EEF1AKMT4: variants seen among roughly 807,000 people sequenced by gnomAD.
EEF1AKMT4 encodes the protein eukaryotic translation elongation factor 1 alpha lysine specific methyltransferase 4.
In EEF1AKMT4, 17 loss-of-function variants were observed where a neutral mutation model predicts 23.0. That is an observed-to-expected ratio of 0.74 (90% confidence interval 0.51 to 1.11). EEF1AKMT4 has a LOEUF of 1.11. Among genes scored for constraint, EEF1AKMT4 ranks in the 50% least tolerant of loss-of-function variants. The pLI, the probability that EEF1AKMT4 is intolerant of heterozygous loss-of-function variation, is 0.00. For synonymous variants in EEF1AKMT4, 140 were observed against 141.4 expected (o/e 0.99, Z 0.07); for missense variants, 318 against 333.4 (o/e 0.95, Z 0.36).
Position 184,258,671 on chromosome 3 carries a change from T to C in EEF1AKMT4, c.*96T>C, listed in dbSNP as rs1398623844. 2 of 1,496,582 alleles carry C rather than the reference T, an allele frequency of 1.3e-6. No individual in the cohort carries two copies. The highest frequency in any genetic ancestry group is 1.4e-5 in the South Asian group (1 of 72,452). 92.7% of individuals were successfully genotyped at this position (1,496,582 alleles called of 1,614,324 possible). On this transcript the variant is annotated 3_prime_UTR_variant, in exon 3 of 3. Coordinates refer to ENST00000324557, the MANE Select transcript of EEF1AKMT4 (RefSeq NM_032331.4). Reference sequence around the variant, plus strand: ...TTAGGACTTGGGGTTGGGTCCAAGGTGCTTACATCCCAGGGGCCTCATGCC... The same window carrying C: ...TTAGGACTTGGGGTTGGGTCCAAGGCGCTTACATCCCAGGGGCCTCATGCC...
At chr3:184,251,768 G>T (rs1273410465) in intron 1 of EEF1AKMT4, among the ~76,000 whole-genome samples, 1 of 152,190 alleles carries the variant, frequency 6.6e-6, no homozygotes, top group Non-Finnish European at 1.5e-5. Flanking sequence ...AGTGAATTAT[G>T]TTGGAATCTT....
intron 2 of EEF1AKMT4, among the ~76,000 whole-genome samples, 161 bp from the exon 3 acceptor site, chr3:184,258,127 G>A (rs1046536297): frequency 6.6e-6 from 1 of 152,126 alleles, no homozygotes; most frequent in South Asian, 2.1e-4. Flanking sequence ...CCAAGGAATG[G>A]CCAGGGGCAG....
At chr3:184,257,868 G>T in intron 2 of EEF1AKMT4, 112 bp downstream of exon 2, 2 of 1,372,642 alleles carry the variant, frequency 1.5e-6, no homozygotes, top group East Asian at 2.3e-5. Context: ...GCAAGTAGTG[G>T]GTCGCCCTCA....
In EEF1AKMT4 at chr3:184,249,863, C is replaced by T. The variant is rs751404012; in HGVS notation, c.169C>T (p.Arg57Trp). The T allele has an allele frequency of 4.3e-6, 7 of 1,612,774 alleles. No individual in the cohort carries two copies. In the South Asian group the frequency reaches 5.5e-5, roughly 13 times the overall value. The change falls in exon 1 of 3, where the codon CGG becomes TGG. Residue 57 changes from arginine (R) to tryptophan (W), a missense_variant. Physicochemically the swap from Arg to Trp is moderately radical, Grantham distance 101 (BLOSUM62 -3). Coordinates refer to ENST00000324557, the MANE Select transcript of EEF1AKMT4 (RefSeq NM_032331.4). The part of the protein sequence containing the change: ...SFRALLEPEL[R>W]PEDRILVLGC... Reference sequence around the variant, plus strand: ...CCGTGCCCTCCTAGAGCCGGAGCTGCGGCCCGAGGACCGTATCCTTGTGCT... The same window carrying T: ...CCGTGCCCTCCTAGAGCCGGAGCTGTGGCCCGAGGACCGTATCCTTGTGCT...
rs1481463005 is a variant in EEF1AKMT4, at chr3:184,257,542, A to G, written c.266A>G (p.Tyr89Cys). 3 of 1,614,070 alleles carry G rather than the reference A, an allele frequency of 1.9e-6. No individual in the cohort carries two copies. The highest frequency in any genetic ancestry group is 1.1e-5 in the South Asian group (1 of 91,084). ...TTCCCTAATGTGACCAGTGTGGACT[A>G]CTCATCAGTCGTGGTGGCTGCCATG... ...GGFPNVTSVD[Y>C]SSVVVAAMQA... Residue 89 changes from tyrosine to cysteine, a missense_variant, in exon 2 of 3, where the codon TAC becomes TGC. Tyr to Cys is a radical substitution (Grantham distance 194, BLOSUM62 -2). Transcript: ENST00000324557.
At position 184,257,591 on chromosome 3, in the gene EEF1AKMT4, G is replaced by A. The variant is rs749690064; in HGVS notation, c.315G>A (p.Pro105=). 39 of 1,614,040 alleles carry A rather than the reference G, an allele frequency of 2.4e-5. No individual in the cohort carries two copies. The highest frequency in any genetic ancestry group is 4.0e-5 in the African/African-American group (3 of 74,936). ...TGCAGGCTCGCCATGCCCATGTGCC[G>A]CAGCTGCGCTGGGAGACCATGGATG... The part of the protein sequence containing the change: ...AAMQARHAHV[P]QLRWETMDVR... Residue 105 remains proline (P), a synonymous_variant, in exon 2 of 3, where the codon CCG becomes CCA. Coordinates refer to ENST00000324557, the MANE Select transcript of EEF1AKMT4 (RefSeq NM_032331.4).
At chr3:184,256,285 A>AAAAAAAAAAAAAAG (rs1340949538) in intron 1 of EEF1AKMT4, among the ~76,000 whole-genome samples, 14 of 146,952 alleles carry the variant, frequency 9.5e-5, no homozygotes, top group Non-Finnish European at 1.5e-5. Flanking sequence ...AAAAAAAAAA[A>AAAAAAAAAAAAAAG]AAAAAGAAAA....
chr3:184,254,828 T>C (rs139386550), intron 1 of EEF1AKMT4, among the ~76,000 whole-genome samples: 6 of 152,364 alleles, frequency 3.9e-5, no homozygotes, highest in East Asian at 1.9e-4. Flanking sequence ...TTCTGGCTTA[T>C]ATTTCAATCT....
chr3:184,252,130 G>A (rs1357866055), intron 1 of EEF1AKMT4, among the ~76,000 whole-genome samples: 2 of 152,160 alleles, frequency 1.3e-5, no homozygotes, highest in East Asian at 3.8e-4. Flanking sequence ...TCCAGGGATG[G>A]TCTAATGTGG....
At chr3:184,255,159 G>A (rs1719738140) in intron 1 of EEF1AKMT4, among the ~76,000 whole-genome samples, 1 of 152,162 alleles carries the variant, frequency 6.6e-6, no homozygotes, top group South Asian at 2.1e-4. Context: ...AGCTCTACAG[G>A]TATATGAGGT....
intron 1 of EEF1AKMT4, among the ~76,000 whole-genome samples, chr3:184,251,922 C>A (rs1719574455): frequency 6.6e-6 from 1 of 152,170 alleles, no homozygotes; most frequent in South Asian, 2.1e-4. Context: ...TAGAACAATG[C>A]CTGGCAAAAT....
At position 184,257,687 on chromosome 3, in the gene EEF1AKMT4, G is replaced by T; in HGVS notation, c.411G>T (p.Leu137=). The change falls in exon 2 of 3, where the codon CTG becomes CTT. Residue 137 remains leucine, a synonymous_variant. Transcript: ENST00000324557. ...VLEKGTLDAL[L]AGERDPWTVS... is the part of the protein sequence containing the mutation. ...AGAAGGGCACGCTGGATGCCCTGCT[G>T]GCTGGGGAACGAGATCCCTGGACCG... 6.2e-7 allele frequency: 1 copy of T among 1,614,184 alleles called. No individual in the cohort carries two copies. The highest frequency in any genetic ancestry group is 8.5e-7 in the Non-Finnish European group (1 of 1,180,038).
intron 1 of EEF1AKMT4, among the ~76,000 whole-genome samples, chr3:184,251,320 G>A (rs1337711837): frequency 2.0e-5 from 3 of 152,024 alleles, no homozygotes; most frequent in Non-Finnish European, 4.4e-5. Flanking sequence ...ATCATTTGAG[G>A]TCAGGAGTTC....
chr3:184,249,935 C>G (rs1195710514), intron 1 of EEF1AKMT4, 45 bp downstream of exon 1: 19 of 1,587,402 alleles, frequency 1.2e-5, no homozygotes, highest in Non-Finnish European at 1.6e-5. Flanking sequence ...CTGGCAGGAC[C>G]GGCGCCGCAT....
At position 184,257,733 on chromosome 3, in the gene EEF1AKMT4, A is replaced by G. The variant is rs752894858; in HGVS notation, c.457A>G (p.Thr153Ala). The change falls in exon 2 of 3, where the codon ACT becomes GCT. Residue 153 changes from threonine to alanine, a missense_variant. Transcript: ENST00000324557. ...PWTVSSEGVH[T>A]VDQVLSEVSR... ...GACCGTGTCCTCTGAAGGTGTCCAC[A>G]CTGTGGACCAGGTGTTGAGTGAGGT... 14 of 1,613,288 alleles carry G rather than the reference A, an allele frequency of 8.7e-6. No individual in the cohort carries two copies. Among genetic ancestry groups the G allele is most frequent in the African/African-American group, 2.7e-5 (2 of 74,940 alleles).
At chr3:184,249,952 G>A in intron 1 of EEF1AKMT4, 62 bp downstream of exon 1, 2 of 1,540,078 alleles carry the variant, frequency 1.3e-6, no homozygotes, top group South Asian at 2.3e-5. Context: ...GCATGGGCTT[G>A]GCCTGGTCCG....
intron 2 of EEF1AKMT4, 142 bp from the exon 3 acceptor site, chr3:184,258,146 G>T (rs1719897341): frequency 1.2e-6 from 1 of 806,822 alleles, no homozygotes; most frequent in Non-Finnish European, 2.0e-6. Flanking sequence ...AGAGAAAGTG[G>T]CTCACTCTTT....
In EEF1AKMT4 at chr3:184,249,856, G is replaced by A; in HGVS notation, c.162G>A (p.Pro54=). The change falls in exon 1 of 3, where the codon CCG becomes CCA. Residue 54 remains proline, a synonymous_variant. Transcript: ENST00000324557. ...CCTCCTTCCGTGCCCTCCTAGAGCC[G>A]GAGCTGCGGCCCGAGGACCGTATCC... is the stretch of plus-strand genomic sequence containing the variant. ...DFSSFRALLE[P]ELRPEDRILV... is the part of the protein sequence containing the mutation. The A allele has an allele frequency of 6.2e-7, 1 of 1,612,912 alleles. No homozygotes were observed. Among genetic ancestry groups the A allele is most frequent in the Non-Finnish European group, 8.5e-7 (1 of 1,179,800 alleles).
At position 184,250,607 on chromosome 3, in the gene EEF1AKMT4, A is replaced by G. The variant is rs559550774; in HGVS notation, c.196+717A>G. Among the ~76,000 whole-genome samples the G allele has an allele frequency of 4.3e-4, 65 of 152,162 alleles. 1 individual carries two copies. The highest frequency in any genetic ancestry group is 4.4e-5 in the Non-Finnish European group (3 of 68,042). The stretch of plus-strand genomic sequence containing the variant: ...TGAATGAGCAACAGATTTTCTTCCA[A>G]TTGTCGTTTTTACTTTGCTCTTTGT... On this transcript the variant is annotated intron_variant, in intron 1 of 2. Transcript: ENST00000324557.
Sources: allele counts gnomAD v4.1 joint callset (sites outside exome capture counted in the v4.1 genomes callset), GRCh38; gene constraint gnomAD v4.1.1; transcripts MANE v1.5; gene names NCBI Gene and HGNC (gene_info 2026-07-23, HGNC 2026-07-21).